SESN2: variants seen among roughly 807,000 people sequenced by gnomAD.
SESN2 encodes sestrin-2.
SESN2 carries 42 observed loss-of-function variants against 56.0 expected under a neutral mutation model. The ratio of observed to expected loss-of-function variants is 0.75; its 90% CI spans 0.59 to 0.97. The LOEUF (loss-of-function observed/expected upper bound fraction) is 0.97, where lower values mean the gene tolerates loss of function less well. Ranked by LOEUF, SESN2 falls within the 50% of genes least tolerant of loss-of-function variation. The pLI is 0.00. For synonymous variants in SESN2, 264 were observed against 267.1 expected (o/e 0.99, Z 0.11); for missense variants, 507 against 649.4 (o/e 0.78, Z 2.38).
chr1:28,264,819 C>CTAG (rs1388118898), intron 1 of SESN2, among the ~76,000 whole-genome samples: 1 of 152,170 alleles, frequency 6.6e-6, no homozygotes, highest in Non-Finnish European at 1.5e-5. Context: ...CTGTGCTATG[C>CTAG]TAGGCACTGG....
intron 1 of SESN2, among the ~76,000 whole-genome samples, chr1:28,264,453 C>T (rs958016587): frequency 2.0e-5 from 3 of 152,158 alleles, no homozygotes; most frequent in Admixed American, 2.0e-4. Flanking sequence ...GTTCCTGTTG[C>T]CCCATGTGAT....
At chr1:28,265,593 C>T (rs1451260720) in intron 1 of SESN2, among the ~76,000 whole-genome samples, 3 of 152,210 alleles carry the variant, frequency 2.0e-5, no homozygotes, top group Admixed American at 2.0e-4. Flanking sequence ...CGGGGTTTCT[C>T]CATGTTGGTC....
rs1157181320 is a variant in SESN2 at position 28,276,053 on chromosome 1, A to G, written c.1211+1038A>G. The stretch of plus-strand genomic sequence containing the variant: ...TTCCAGCTACTTAGGAAGCTGAGGC[A>G]GGAGGATCCCTTGAGCCTGGGAGGC... On this transcript the variant is annotated intron_variant, in intron 8 of 9. Transcript: ENST00000253063. Among the ~76,000 whole-genome samples, 4 of 152,156 alleles carry G rather than the reference A, an allele frequency of 2.6e-5. 1 individual carries two copies.
chr1:28,272,369 TGGGCCTCCACC>T lies in SESN2; in HGVS notation c.446_456del (p.Leu149ProfsTer67). ...ACTGGTGGTGACCCTGAGTGGCTGCTGGGCCTCCACCGGGCCCCCGAGAAGCTGCGCAAACT... is the reference window on the plus strand; with the variant it reads ...ACTGGTGGTGACCCTGAGTGGCTGCTGGGCCCCCGAGAAGCTGCGCAAACT... On this transcript the variant is annotated frameshift_variant, in exon 4 of 10. Transcript: ENST00000253063. LOFTEE classifies it high-confidence loss of function. The T allele has an allele frequency of 6.2e-7, 1 of 1,613,702 alleles. No individual in the cohort carries two copies. The highest frequency in any genetic ancestry group is 8.5e-7 in the Non-Finnish European group (1 of 1,179,982).
At chr1:28,266,222 A>G (rs1647555383) in intron 1 of SESN2, among the ~76,000 whole-genome samples, 1 of 152,208 alleles carries the variant, frequency 6.6e-6, no homozygotes, top group Non-Finnish European at 1.5e-5. Context: ...GCCCCACCCC[A>G]GATAACTAAA....
In SESN2 at chr1:28,280,985, ACT is replaced by A. The variant is rs1648220765; in HGVS notation, c.*186_*187del. The A allele has an allele frequency of 1.8e-6, 1 of 558,644 alleles. No homozygotes were observed. Among genetic ancestry groups the A allele is most frequent in the Non-Finnish European group, 3.2e-6 (1 of 311,286 alleles). 34.6% of individuals were successfully genotyped at this position (558,644 alleles called of 1,614,324 possible). A position where few individuals can be genotyped will look rare whatever the true frequency, so the allele number is the denominator to read the frequency against. On this transcript the variant is annotated 3_prime_UTR_variant, in exon 10 of 10. Transcript: ENST00000253063. ...CTGGAATGGACAGTTCATTGCACTG[ACT>A]CTGGGATCTCAGCCCTGCTCCTGGG...
chr1:28,276,701 G>C (rs961771864), intron 8 of SESN2, among the ~76,000 whole-genome samples: 1 of 138,584 alleles, frequency 7.2e-6, no homozygotes, highest in Admixed American at 7.6e-5. Context: ...CGCCTCAGCC[G>C]TCCGAATAGC....
intron 1 of SESN2, among the ~76,000 whole-genome samples, chr1:28,268,665 CA>C (rs541949471): frequency 5.8e-4 from 67 of 115,708 alleles, no homozygotes; most frequent in Middle Eastern, 8.5e-3. Flanking sequence ...TACTCCGTCT[CA>C]AAAAAAAAAA....
chr1:28,263,265 A>G (rs1337049466), intron 1 of SESN2, among the ~76,000 whole-genome samples: 5 of 152,180 alleles, frequency 3.3e-5, no homozygotes, highest in Non-Finnish European at 5.9e-5. Flanking sequence ...AGAAGGGATT[A>G]TAAGAACTGT....
At chr1:28,260,693 C>T (rs867293176) in intron 1 of SESN2, among the ~76,000 whole-genome samples, 7 of 151,302 alleles carry the variant, frequency 4.6e-5, no homozygotes, top group South Asian at 2.1e-4. Context: ...CCTCCCTTCG[C>T]GCCGCTCCCC....
chr1:28,263,253 G>A (rs551584155), intron 1 of SESN2, among the ~76,000 whole-genome samples: 7 of 152,272 alleles, frequency 4.6e-5, no homozygotes, highest in South Asian at 2.1e-4. Flanking sequence ...ACCTGTTTCC[G>A]AAGAAGGGAT....
intron 7 of SESN2, 23 bp from the exon 8 acceptor site, chr1:28,274,802 C>T: frequency 6.3e-7 from 1 of 1,588,568 alleles, no homozygotes; most frequent in South Asian, 1.1e-5. Context: ...AAAGACTCAC[C>T]AATCCCTTCC....
At chr1:28,270,074 G>A (rs1004600625) in intron 2 of SESN2, among the ~76,000 whole-genome samples, 1 of 152,068 alleles carries the variant, frequency 6.6e-6, no homozygotes, top group African/African-American at 2.4e-5. Context: ...TTGTTTTGCC[G>A]GCCGCAGTGG....
chr1:28,271,807 A>G lies in SESN2; in HGVS notation c.290A>G (p.His97Arg). 1 of 1,614,206 alleles carries G rather than the reference A, an allele frequency of 6.2e-7. No individual in the cohort carries two copies. The change falls in exon 3 of 10, where the codon CAC becomes CGC. Residue 97 changes from histidine to arginine, a missense_variant. Transcript: ENST00000253063. ...PDYFTSFWRL[H>R]YLLLHTDGPL... ...TACTTTACCAGCTTCTGGCGCCTGC[A>G]CTACCTGCTGCTGCACACGGATGGT...
chr1:28,270,223 C>A (rs892996984), intron 2 of SESN2, among the ~76,000 whole-genome samples: 1 of 151,920 alleles, frequency 6.6e-6, no homozygotes, highest in African/African-American at 2.4e-5. Flanking sequence ...TGGTGGCGGG[C>A]GCCTGTAATC....
chr1:28,275,910 C>T (rs1216788133), intron 8 of SESN2, among the ~76,000 whole-genome samples: 1 of 151,880 alleles, frequency 6.6e-6, no homozygotes, highest in Non-Finnish European at 1.5e-5. Flanking sequence ...AAAAAATTTG[C>T]CTGTGTGGTG....
chr1:28,259,785 C>A lies in SESN2; in HGVS notation c.-63C>A. On this transcript the variant is annotated 5_prime_UTR_variant, in exon 1 of 10. Coordinates refer to ENST00000253063, the MANE Select transcript of SESN2 (RefSeq NM_031459.5). ...CCAGTCCCGGCTTCATTCGGGCGTCCCTCCGAAACCCACTCGGGTGCACGG... is the reference window on the plus strand; with the variant it reads ...CCAGTCCCGGCTTCATTCGGGCGTCACTCCGAAACCCACTCGGGTGCACGG... 8.0e-7 allele frequency: 1 copy of A among 1,248,010 alleles called. No homozygotes were observed. Among genetic ancestry groups the A allele is most frequent in the Non-Finnish European group, 1.0e-6 (1 of 959,388 alleles). The allele number at this position is 1,248,010 out of a possible 1,614,324, so 77.3% of individuals were successfully genotyped here.
rs776138760 is a variant in SESN2, at chr1:28,280,721, C to T, written c.1362C>T (p.His454=). Residue 454 remains histidine, a synonymous_variant, in exon 10 of 10, where the codon CAC becomes CAT. Coordinates refer to ENST00000253063, the MANE Select transcript of SESN2 (RefSeq NM_031459.5). The part of the protein sequence containing the change: ...WRHFRHSEKV[H]VNLLLLEARM... ...TGCCTTCCTCTGTGCCCCAGGTCCA[C>T]GTGAACTTGCTGCTCCTGGAGGCGC... 17 of 1,612,750 alleles carry T rather than the reference C, an allele frequency of 1.1e-5. No homozygotes were observed. The highest frequency in any genetic ancestry group is 3.3e-4 in the Middle Eastern group (2 of 6,084).
intron 8 of SESN2, 126 bp downstream of exon 8, chr1:28,275,141 G>T: frequency 1.5e-6 from 1 of 658,256 alleles, no homozygotes. Flanking sequence ...GTTTTTCAAA[G>T]CAAATTGTGA....
Sources: gnomAD v4.1 joint callset for allele counts (sites outside exome capture counted in the v4.1 genomes callset) on GRCh38, gnomAD v4.1.1 for gene constraint, MANE v1.5 for transcripts, NCBI Gene and HGNC (gene_info 2026-07-23, HGNC 2026-07-21) for gene names.